The following SYN3 variants were observed in gnomAD, a reference collection of about 807,000 sequenced individuals.
SYN3 encodes the protein synapsin III.
In SYN3, 35 loss-of-function variants were observed where a neutral mutation model predicts 65.8. That is an observed-to-expected ratio of 0.53 (90% CI 0.41 to 0.70). The LOEUF is 0.70. Ranked by LOEUF, SYN3 falls within the 30% of genes least tolerant of loss-of-function variation. The probability of loss-of-function intolerance (pLI) is 0.00; values close to 1 mark genes in which losing one functional copy is unlikely to be tolerated. For missense variants in SYN3, 680 were observed against 749.0 expected, an observed-to-expected ratio of 0.91 and a Z score of 1.08; for synonymous variants, 270 against 292.9, an observed-to-expected ratio of 0.92 and a Z score of 0.80.
intron 4 of SYN3, among the ~76,000 whole-genome samples, chr22:32,928,306 G>A (rs1464417521): frequency 6.6e-6 from 1 of 152,062 alleles, no homozygotes; most frequent in Non-Finnish European, 1.5e-5. Context: ...CTCCAGCCTG[G>A]GCGACAGAGC....
chr22:32,656,506 A>G (rs1436544388), intron 6 of SYN3, among the ~76,000 whole-genome samples: 2 of 152,134 alleles, frequency 1.3e-5, no homozygotes, highest in Non-Finnish European at 2.9e-5. Flanking sequence ...AAACTTACCC[A>G]GCATGTGCTT....
At chr22:32,520,696 A>C (rs2057865538) in intron 12 of SYN3, among the ~76,000 whole-genome samples, 1 of 152,198 alleles carries the variant, frequency 6.6e-6, no homozygotes, top group African/African-American at 2.4e-5. Context: ...ACTAGATTTC[A>C]GCCAGCCTCC....
At chr22:32,909,954 G>T (rs533928838) in intron 4 of SYN3, among the ~76,000 whole-genome samples, 1 of 152,314 alleles carries the variant, frequency 6.6e-6, no homozygotes, top group Admixed American at 6.5e-5. Context: ...GAGACTGCGA[G>T]AAGGCGCGTT....
chr22:32,680,512 G>T (rs2060508594), intron 6 of SYN3, among the ~76,000 whole-genome samples: 1 of 152,140 alleles, frequency 6.6e-6, no homozygotes, highest in Non-Finnish European at 1.5e-5. Context: ...TGAATGGGAT[G>T]GGATCTGGCT....
In SYN3 at chr22:32,739,908, T is replaced by C. The variant is rs552084881; in HGVS notation, c.711+125007A>G. Among the ~76,000 whole-genome samples, 6 of 152,332 alleles carry C rather than the reference T, an allele frequency of 3.9e-5. No homozygotes were observed. The South Asian group carries it at 1.0e-3, about 26-fold the overall frequency. On this transcript the variant is annotated intron_variant, in intron 6 of 13. Coordinates refer to ENST00000358763, the MANE Select transcript of SYN3 (RefSeq NM_003490.4). ...CGTCAAGCCCAGAACAAGTGAAGAATAGTCCTGCTGCACCCCCTACACATG... is the reference window on the plus strand; with the variant it reads ...CGTCAAGCCCAGAACAAGTGAAGAACAGTCCTGCTGCACCCCCTACACATG...
At chr22:32,681,513 T>A (rs1203511966) in intron 6 of SYN3, among the ~76,000 whole-genome samples, 1 of 152,352 alleles carries the variant, frequency 6.6e-6, no homozygotes, top group East Asian at 1.9e-4. Context: ...ATTTACCATA[T>A]GAGAAAACCA....
intron 7 of SYN3, among the ~76,000 whole-genome samples, chr22:32,591,213 G>T (rs1231162048): frequency 6.6e-6 from 1 of 151,900 alleles, no homozygotes; most frequent in African/African-American, 2.4e-5. Context: ...TGCTTCCAAA[G>T]ACGGAGACAT....
intron 7 of SYN3, 95 bp downstream of exon 7, chr22:32,596,579 C>T: frequency 7.6e-7 from 1 of 1,324,372 alleles, no homozygotes; most frequent in Non-Finnish European, 1.1e-6. Flanking sequence ...GGTGCCTGTG[C>T]TAAGGGGTTG....
At chr22:32,560,412 G>T (rs2058570144) in intron 7 of SYN3, among the ~76,000 whole-genome samples, 1 of 152,160 alleles carries the variant, frequency 6.6e-6, no homozygotes, top group Non-Finnish European at 1.5e-5. Context: ...ATGATTGGGG[G>T]GTCAGACTTG....
At chr22:32,726,749 G>A (rs1209504727) in intron 6 of SYN3, among the ~76,000 whole-genome samples, 3 of 152,294 alleles carry the variant, frequency 2.0e-5, no homozygotes, top group African/African-American at 4.8e-5. Context: ...AGGCCAGGAG[G>A]GCATTAGAGG....
chr22:32,524,312 G>A (rs1412910329), intron 12 of SYN3, among the ~76,000 whole-genome samples: 1 of 152,200 alleles, frequency 6.6e-6, no homozygotes, highest in South Asian at 2.1e-4. Flanking sequence ...GTCAATGCCT[G>A]GCTTCAAAGC....
At chr22:32,718,110 C>A (rs975360657) in intron 6 of SYN3, among the ~76,000 whole-genome samples, 1 of 152,120 alleles carries the variant, frequency 6.6e-6, no homozygotes, top group South Asian at 2.1e-4. Context: ...ATGTCTTTCC[C>A]AGCTGGAGCA....
chr22:32,898,333 T>C (rs543636887), intron 4 of SYN3, among the ~76,000 whole-genome samples: 1 of 152,028 alleles, frequency 6.6e-6, no homozygotes, highest in East Asian at 1.9e-4. Context: ...GGGGTTTCAC[T>C]ATGTTGCCCA....
chr22:32,937,488 T>TA (rs1289623486), intron 3 of SYN3, among the ~76,000 whole-genome samples: 2 of 152,032 alleles, frequency 1.3e-5, no homozygotes, highest in African/African-American at 2.4e-5. Context: ...TCAAGAAACT[T>TA]ACAATCATGG....
At chr22:32,721,616 C>T (rs993258233) in intron 6 of SYN3, among the ~76,000 whole-genome samples, 4 of 152,200 alleles carry the variant, frequency 2.6e-5, no homozygotes, top group Admixed American at 6.5e-5. Context: ...CATTTTACAA[C>T]TATTTATTGA....
intron 6 of SYN3, among the ~76,000 whole-genome samples, chr22:32,781,246 C>A (rs2046055911): frequency 1.3e-5 from 2 of 152,084 alleles, no homozygotes; most frequent in South Asian, 2.1e-4. Context: ...GAAGTGCCAT[C>A]TTTTAGGAAT....
chr22:33,039,432 G>T (rs950733329), intron 1 of SYN3, among the ~76,000 whole-genome samples: 21 of 147,472 alleles, frequency 1.4e-4, no homozygotes, highest in Non-Finnish European at 2.8e-4. Context: ...CTGGAGTGCA[G>T]TGGCATGATC....
intron 6 of SYN3, among the ~76,000 whole-genome samples, chr22:32,646,468 G>A (rs2059985155): frequency 6.6e-6 from 1 of 152,330 alleles, no homozygotes; most frequent in Admixed American, 6.5e-5. Flanking sequence ...TCATAAGGTC[G>A]CTTATTTAGT....
chr22:32,531,828 A>G (rs1381098317), intron 10 of SYN3, among the ~76,000 whole-genome samples: 2 of 145,340 alleles, frequency 1.4e-5, no homozygotes, highest in South Asian at 2.1e-4. Context: ...CTGAAAAGCT[A>G]TCTTTCATTT....
Sources: gnomAD v4.1 joint callset for allele counts (sites outside exome capture counted in the v4.1 genomes callset) on GRCh38, gnomAD v4.1.1 for gene constraint, MANE v1.5 for transcripts, NCBI Gene and HGNC (gene_info 2026-07-23, HGNC 2026-07-21) for gene names.